Variants in LRRTM4 observed in about 807,000 individuals in gnomAD.
The protein encoded by LRRTM4 is leucine-rich repeat transmembrane neuronal protein 4.
Under a neutral mutation model 47.6 loss-of-function variants are expected in LRRTM4, and 25 were observed. That is an observed-to-expected ratio of 0.53 (90% CI 0.38 to 0.73). The LOEUF is 0.73. Ranked by LOEUF, LRRTM4 falls within the 30% of genes least tolerant of loss-of-function variation. The pLI is 0.00. For missense variants in LRRTM4, 638 were observed against 713.4 expected (o/e 0.89, Z 1.20); for synonymous variants, 311 against 269.5 (o/e 1.15, Z -1.51).
At chr2:77,404,129 T>C (rs1674074183) in intron 3 of LRRTM4, among the ~76,000 whole-genome samples, 1 of 151,970 alleles carries the variant, frequency 6.6e-6, no homozygotes, top group Admixed American at 6.6e-5. Flanking sequence ...CATTCTTTCA[T>C]ATACAAGAGT....
intron 3 of LRRTM4, among the ~76,000 whole-genome samples, chr2:77,021,606 G>T (rs1021542178): frequency 6.6e-6 from 1 of 152,136 alleles, no homozygotes; most frequent in Non-Finnish European, 1.5e-5. Context: ...ACCACATAGA[G>T]AAAGATCTCC....
chr2:77,212,337 T>C (rs1206583189), intron 3 of LRRTM4, among the ~76,000 whole-genome samples: 1 of 143,330 alleles, frequency 7.0e-6, no homozygotes, highest in Non-Finnish European at 1.5e-5. Context: ...ATTTGTGTAA[T>C]TCTCAAGATT....
chr2:77,363,968 G>A (rs1172438263), intron 3 of LRRTM4, among the ~76,000 whole-genome samples: 3 of 152,034 alleles, frequency 2.0e-5, no homozygotes, highest in Admixed American at 6.6e-5. Context: ...TTCCCCATAT[G>A]ATTGACACAT....
At chr2:76,969,655 T>C (rs879605746) in intron 3 of LRRTM4, among the ~76,000 whole-genome samples, 3 of 151,926 alleles carry the variant, frequency 2.0e-5, no homozygotes, top group African/African-American at 4.8e-5. Context: ...AACAAAATAA[T>C]ACATTTACCA....
At chr2:77,327,011 T>G (rs1193962369) in intron 3 of LRRTM4, among the ~76,000 whole-genome samples, 4 of 152,174 alleles carry the variant, frequency 2.6e-5, no homozygotes, top group African/African-American at 9.7e-5. Context: ...GGAAAGGTTG[T>G]GGGCAAAAGG....
intron 3 of LRRTM4, among the ~76,000 whole-genome samples, chr2:76,822,385 A>G (rs1224868576): frequency 3.3e-5 from 5 of 151,606 alleles, no homozygotes; most frequent in Non-Finnish European, 7.4e-5. Context: ...AATCCAACTA[A>G]GAATGTATTA....
At chr2:77,076,056 T>G (rs1680328358) in intron 3 of LRRTM4, among the ~76,000 whole-genome samples, 1 of 152,122 alleles carries the variant, frequency 6.6e-6, no homozygotes, top group Non-Finnish European at 1.5e-5. Flanking sequence ...TAGCACTATG[T>G]TGGTCAGTAA....
At chr2:76,860,919 G>C (rs1208908052) in intron 3 of LRRTM4, among the ~76,000 whole-genome samples, 1 of 151,950 alleles carries the variant, frequency 6.6e-6, no homozygotes, top group East Asian at 1.9e-4. Context: ...CAGAGGAAAG[G>C]CCTGGTGTTA....
intron 3 of LRRTM4, among the ~76,000 whole-genome samples, chr2:77,159,497 T>G (rs1170109365): frequency 1.4e-5 from 2 of 147,192 alleles, no homozygotes; most frequent in African/African-American, 2.5e-5. Context: ...GTTGTGCACA[T>G]GTACCCTAGG....
intron 3 of LRRTM4, among the ~76,000 whole-genome samples, chr2:76,787,660 T>A (rs1371543851): frequency 1.3e-5 from 2 of 152,038 alleles, no homozygotes; most frequent in Non-Finnish European, 2.9e-5. Flanking sequence ...TGTGGTTCAG[T>A]GGGGAGTTTT....
intron 3 of LRRTM4, among the ~76,000 whole-genome samples, chr2:77,447,796 AC>A (rs1340709716): frequency 6.6e-6 from 1 of 152,180 alleles, no homozygotes; most frequent in Non-Finnish European, 1.5e-5. Flanking sequence ...TTTTCAGAAC[AC>A]ATATGGCATG....
In LRRTM4 at chr2:77,252,090, A is replaced by T. The variant is rs760177496; in HGVS notation, c.1551+266228T>A. Among the ~76,000 whole-genome samples, 83 of 152,214 alleles carry T rather than the reference A, an allele frequency of 5.5e-4. 1 individual carries two copies. Among genetic ancestry groups the T allele is most frequent in the Non-Finnish European group, 1.0e-3 (70 of 68,042 alleles). On this transcript the variant is annotated intron_variant, in intron 3 of 3. Transcript: ENST00000409884. Reference sequence around the variant, plus strand: ...ATTGGTTCTGATGAAAAGTCAACAAATCCGTCATTCACCAAACTCAAGACA... The same window carrying T: ...ATTGGTTCTGATGAAAAGTCAACAATTCCGTCATTCACCAAACTCAAGACA...
chr2:77,225,240 C>A (rs909969751), intron 3 of LRRTM4, among the ~76,000 whole-genome samples: 4 of 149,684 alleles, frequency 2.7e-5, no homozygotes, highest in African/African-American at 9.9e-5. Context: ...GGAGGGATAG[C>A]ATTAGGAGAT....
intron 3 of LRRTM4, among the ~76,000 whole-genome samples, chr2:77,108,738 C>T (rs370247363): frequency 0.013 from 1,935 of 151,926 alleles, 20 homozygotes; most frequent in Middle Eastern, 0.041. Flanking sequence ...CGCCCGCCAC[C>T]ACGCCCGGCT....
chr2:76,906,077 T>G (rs373486419), intron 3 of LRRTM4, among the ~76,000 whole-genome samples: 1 of 151,738 alleles, frequency 6.6e-6, no homozygotes, highest in Non-Finnish European at 1.5e-5. Context: ...AAGGAAAAAA[T>G]GTTAAGGGCA....
At chr2:77,047,865 CA>C (rs1317808824) in intron 3 of LRRTM4, among the ~76,000 whole-genome samples, 1 of 152,048 alleles carries the variant, frequency 6.6e-6, no homozygotes, top group Non-Finnish European at 1.5e-5. Context: ...GCATTACTGA[CA>C]TTTTGGGCAT....
In LRRTM4 at chr2:77,008,771, T is replaced by C. The variant is rs147502003; in HGVS notation, c.1552-259855A>G. The stretch of plus-strand genomic sequence containing the variant: ...ATTTCCAAATGTACCATTTTTATAA[T>C]TGTTTTCTAGGCCTGAAGGCATGAC... On this transcript the variant is annotated intron_variant, in intron 3 of 3. Coordinates refer to ENST00000409884, the MANE Select transcript of LRRTM4 (RefSeq NM_001134745.3). Among the ~76,000 whole-genome samples the C allele has an allele frequency of 3.4e-3, 516 of 152,200 alleles. 4 individuals carry two copies. Among genetic ancestry groups the C allele is most frequent in the African/African-American group, 0.012 (486 of 41,558 alleles).
chr2:77,232,915 G>A (rs1051243890), intron 3 of LRRTM4, among the ~76,000 whole-genome samples: 17 of 152,132 alleles, frequency 1.1e-4, no homozygotes, highest in African/African-American at 4.1e-4. Flanking sequence ...ATTATCAGAT[G>A]AATTTGTTAA....
At chr2:77,459,271 A>C (rs947885599) in intron 3 of LRRTM4, among the ~76,000 whole-genome samples, 2 of 152,090 alleles carry the variant, frequency 1.3e-5, no homozygotes, top group Non-Finnish European at 2.9e-5. Context: ...CTATTGAGCT[A>C]TGGATCACTT....
Sources: gnomAD v4.1 joint callset for allele counts (sites outside exome capture counted in the v4.1 genomes callset) on GRCh38, gnomAD v4.1.1 for gene constraint, MANE v1.5 for transcripts, NCBI Gene and HGNC (gene_info 2026-07-23, HGNC 2026-07-21) for gene names.